FKBP6: variants seen among roughly 807,000 people sequenced by gnomAD.
FKBP6 encodes the protein FKBP prolyl isomerase family member 6 (inactive).
In FKBP6, 29 loss-of-function variants were observed where a neutral mutation model predicts 41.7. That is an observed-to-expected ratio of 0.70 (90% confidence interval 0.52 to 0.95). FKBP6 has a LOEUF of 0.95. FKBP6 is among the 40% of genes least tolerant of loss of function. The pLI is 0.00. For synonymous variants in FKBP6, 130 were observed against 165.1 expected (o/e 0.79, Z 1.63); for missense variants, 338 against 408.7 (o/e 0.83, Z 1.49).
intron 5 of FKBP6, among the ~76,000 whole-genome samples, chr7:73,339,840 C>T (rs1439326695): frequency 1.3e-5 from 2 of 151,950 alleles, no homozygotes; most frequent in African/African-American, 4.8e-5. Flanking sequence ...CTCGAACTCC[C>T]GACCTCAGGT....
chr7:73,353,030 C>G (rs1268160401), intron 8 of FKBP6, among the ~76,000 whole-genome samples: 1 of 152,036 alleles, frequency 6.6e-6, no homozygotes, highest in Non-Finnish European at 1.5e-5. Flanking sequence ...GGCTAGTGGC[C>G]CCTTCCTCTT....
intron 5 of FKBP6, among the ~76,000 whole-genome samples, chr7:73,332,908 T>A (rs1328517788): frequency 4.6e-5 from 7 of 152,208 alleles, no homozygotes; most frequent in African/African-American, 1.7e-4. Flanking sequence ...TCATCAAGCC[T>A]CCTGTTGTGA....
chr7:73,342,956 C>A, intron 8 of FKBP6, 57 bp downstream of exon 8: 1 of 1,148,244 alleles, frequency 8.7e-7, no homozygotes, highest in South Asian at 1.2e-5. Flanking sequence ...GTGCTGCTCT[C>A]CTCCACCCCC....
In FKBP6 at chr7:73,328,172, T is replaced by C. The variant is rs1251681945; in HGVS notation, c.-257T>C. ...CCGTTACGTGTCCCATCATGTTTCG[T>C]GCGCTCCCATTACGGATCATACCTC... is the stretch of plus-strand genomic sequence containing the variant. On this transcript the variant is annotated 5_prime_UTR_variant, in exon 1 of 9. Coordinates refer to ENST00000252037, the MANE Select transcript of FKBP6 (RefSeq NM_003602.5). 1 of 1,538,402 alleles carries C rather than the reference T, an allele frequency of 6.5e-7. No homozygotes were observed. Among genetic ancestry groups the C allele is most frequent in the Non-Finnish European group, 8.8e-7 (1 of 1,137,904 alleles).
rs1804693974 is a variant in FKBP6, at chr7:73,328,218, T to C, written c.-211T>C. On this transcript the variant is annotated 5_prime_UTR_variant, in exon 1 of 9. Coordinates refer to ENST00000252037, the MANE Select transcript of FKBP6 (RefSeq NM_003602.5). ...ACCTCGCACCTCACCGCGTGGCCTC[T>C]GTAGTTCCAGAGCTCGCGAGGGCCA... 2 of 1,548,982 alleles carry C rather than the reference T, an allele frequency of 1.3e-6. No individual in the cohort carries two copies. The highest frequency in any genetic ancestry group is 1.7e-6 in the Non-Finnish European group (2 of 1,146,570).
intron 5 of FKBP6, among the ~76,000 whole-genome samples, chr7:73,335,133 CAAAA>C (rs10651287): frequency 3.8e-5 from 3 of 79,388 alleles, no homozygotes; most frequent in Non-Finnish European, 5.4e-5. Flanking sequence ...TGTTCCTGGC[CAAAA>C]AAAAAAAAAA....
chr7:73,331,701 A>G lies in FKBP6; in HGVS notation c.513A>G (p.Ala171=). 1.9e-6 allele frequency: 3 copies of G among 1,613,974 alleles called. No individual in the cohort carries two copies. Among genetic ancestry groups the G allele is most frequent in the Non-Finnish European group, 2.5e-6 (3 of 1,179,820 alleles). Residue 171 remains alanine (A), a synonymous_variant, in exon 5 of 9, where the codon GCA becomes GCG. Transcript: ENST00000252037. ...QFPLQKVLKV[A]ATEREFGNYL... is the part of the protein sequence containing the mutation. ...CACTTCAGAAGGTCCTGAAAGTGGC[A>G]GCTACGGAACGGGAGTTTGGCAACT... is the stretch of plus-strand genomic sequence containing the variant.
chr7:73,357,306 ACT>A (rs1583830799), intron 8 of FKBP6, among the ~76,000 whole-genome samples: 2 of 108,210 alleles, frequency 1.8e-5, no homozygotes, highest in East Asian at 5.2e-4. Flanking sequence ...ACGGAGTCTC[ACT>A]CTGTCACTCA....
intron 7 of FKBP6, 41 bp downstream of exon 7, chr7:73,341,423 G>A (rs1554549561): frequency 8.1e-7 from 1 of 1,228,260 alleles, no homozygotes; most frequent in African/African-American, 1.5e-5. Flanking sequence ...GATGGGTGGG[G>A]TTGTGACTCT....
intron 5 of FKBP6, among the ~76,000 whole-genome samples, chr7:73,337,649 G>A (rs1354718481): frequency 4.6e-5 from 7 of 151,988 alleles, no homozygotes; most frequent in Admixed American, 1.3e-4. Context: ...CCTTCCAAAT[G>A]GAGTTCCAGG....
chr7:73,338,922 G>A (rs934527739), intron 5 of FKBP6, among the ~76,000 whole-genome samples: 3 of 152,198 alleles, frequency 2.0e-5, no homozygotes, highest in African/African-American at 7.2e-5. Context: ...TCTGTGGGCT[G>A]TCTGCACTTT....
Position 73,341,340 on chromosome 7 carries a change from C to T in FKBP6, c.851C>T (p.Pro284Leu). 6.2e-7 allele frequency: 1 copy of T among 1,613,464 alleles called. No homozygotes were observed. The change falls in exon 7 of 9, where the codon CCC (proline) becomes CTC (leucine). Residue 284 changes from proline to leucine, a missense_variant. Physicochemically the swap from Pro to Leu is moderately conservative, Grantham distance 98. Around this residue, in one of 2 missense-constraint regions of FKBP6, gnomAD observed 239 missense variants for 250.1 expected, o/e 0.96. Coordinates refer to ENST00000252037, the MANE Select transcript of FKBP6 (RefSeq NM_003602.5). ...CTAGTTCGAGCCCAGAAGGAGCAACCCTTCAATCATGACATCAATAATGAG... is the reference window on the plus strand; with the variant it reads ...CTAGTTCGAGCCCAGAAGGAGCAACTCTTCAATCATGACATCAATAATGAG... ...DFLVRAQKEQ[P>L]FNHDINNELK...
intron 5 of FKBP6, among the ~76,000 whole-genome samples, chr7:73,340,352 T>C (rs4717753): frequency 0.17 from 25,738 of 151,754 alleles, 2,355 homozygotes; most frequent in East Asian, 0.28. Flanking sequence ...AATGGTCATA[T>C]TAAAATATGA....
rs782658436 is a variant in FKBP6 at position 73,329,453 on chromosome 7, G to A, written c.265+4G>A. 1.5e-5 allele frequency: 23 copies of A among 1,528,216 alleles called. No homozygotes were observed. The South Asian group carries it at 2.4e-4, about 16-fold the overall frequency. 94.7% of individuals were successfully genotyped at this position (1,528,216 alleles called of 1,614,324 possible). Reference sequence around the variant, plus strand: ...CGGCTAATGAAACTTGGAGAGGGTAGGTTCAGAGTGGGAGCTGGAGAAGAA... The same window carrying A: ...CGGCTAATGAAACTTGGAGAGGGTAAGTTCAGAGTGGGAGCTGGAGAAGAA... On this transcript the variant is annotated splice_donor_region_variant and intron_variant, in intron 3 of 8. Transcript: ENST00000252037.
chr7:73,352,253 C>T (rs938346556), intron 8 of FKBP6, among the ~76,000 whole-genome samples: 15 of 152,292 alleles, frequency 9.8e-5, no homozygotes, highest in Middle Eastern at 6.8e-3. Context: ...CATGAGCCAC[C>T]GCGCCCAGCC....
At chr7:73,350,770 G>C (rs1805467292) in intron 8 of FKBP6, among the ~76,000 whole-genome samples, 1 of 152,184 alleles carries the variant, frequency 6.6e-6, no homozygotes, top group Non-Finnish European at 1.5e-5. Context: ...GTGAGCCCCG[G>C]AGCAGCGGGC....
chr7:73,342,991 T>C, intron 8 of FKBP6, 92 bp downstream of exon 8: 1 of 895,740 alleles, frequency 1.1e-6, no homozygotes, highest in South Asian at 1.3e-5. Context: ...TGTCTGCAGC[T>C]GAGGGTGGAC....
chr7:73,353,284 A>T lies in FKBP6; in HGVS notation c.*3-4897A>T, dbSNP rs73360450. On this transcript the variant is annotated intron_variant, in intron 8 of 8. Coordinates refer to ENST00000252037, the MANE Select transcript of FKBP6 (RefSeq NM_003602.5). ...ATTTAACCACAGAATCCCTTCTGCC[A>T]TGTATGGTAATGTATTCGTGGGTTC... is the stretch of plus-strand genomic sequence containing the variant. 3.9e-4 allele frequency among the ~76,000 whole-genome samples: 60 copies of T among 152,274 alleles called. 1 individual carries two copies. The highest frequency in any genetic ancestry group is 1.4e-3 in the African/African-American group (59 of 41,550).
At chr7:73,357,012 C>T (rs940075648) in intron 8 of FKBP6, among the ~76,000 whole-genome samples, 4 of 152,102 alleles carry the variant, frequency 2.6e-5, no homozygotes, top group South Asian at 2.1e-4. Context: ...AACTCCTGAC[C>T]TCAGGTGATC....
Sources: gnomAD v4.1 joint callset for allele counts (sites outside exome capture counted in the v4.1 genomes callset) on GRCh38, gnomAD v4.1.1 for gene constraint, gnomAD v4.1.1 regional missense constraint, MANE v1.5 for transcripts, NCBI Gene and HGNC (gene_info 2026-07-23, HGNC 2026-07-21) for gene names.